ABCA6: variants seen among roughly 807,000 people sequenced by gnomAD.
The protein encoded by ABCA6 is ATP-binding cassette sub-family A member 6.
ABCA6 carries 164 observed loss-of-function variants against 191.2 expected under a neutral mutation model. The ratio of observed to expected loss-of-function variants is 0.86; its 90% CI spans 0.76 to 0.98. The LOEUF (loss-of-function observed/expected upper bound fraction) is 0.98. Ranked by LOEUF, ABCA6 falls within the 50% of genes least tolerant of loss-of-function variation. The pLI, the probability that ABCA6 is intolerant of heterozygous loss-of-function variation, is 0.00. For missense variants in ABCA6, 1,958 were observed against 1,894.1 expected (o/e 1.03, Z -0.63); for synonymous variants, 636 against 647.7 (o/e 0.98, Z 0.27).
chr17:69,113,647 A>C lies in ABCA6; in HGVS notation c.1873T>G (p.Phe625Val), dbSNP rs765333326. The C allele has an allele frequency of 1.9e-6, 3 of 1,613,072 alleles. No homozygotes were observed. In the Admixed American group the frequency reaches 5.0e-5, roughly 27 times the overall value. The change falls in exon 14 of 39, where the codon TTT becomes GTT. Residue 625 changes from phenylalanine to valine, a missense_variant. Phe to Val is a conservative substitution (Grantham distance 50). Transcript: ENST00000284425. ...GGATCTCCTAAAATGGTAATCCCAA[A>C]AGTCAGCTTTCTTTTCTGTCCTTCA... ...LSEGQKRKLT[F>V]GITILGDPQI...
intron 16 of ABCA6, chr17:69,111,422 T>A (rs143682883): frequency 0.04 from 6,156 of 152,906 alleles, 167 homozygotes; most frequent in Non-Finnish European, 0.057. Context: ...TGAATTGTAG[T>A]TCCCATAATT....
At chr17:69,105,248 T>C (rs1431002710) in intron 20 of ABCA6, 1 of 533,912 alleles carries the variant, frequency 1.9e-6, no homozygotes, top group Admixed American at 3.8e-5. Flanking sequence ...TTCCAGGTTA[T>C]ACAGTGACCC....
rs374714147 is a variant in ABCA6 at position 69,110,965 on chromosome 17, T to C, written c.2133-25A>G. 94 of 1,566,870 alleles carry C rather than the reference T, an allele frequency of 6.0e-5. 1 individual carries two copies. The highest frequency in any genetic ancestry group is 7.8e-5 in the Non-Finnish European group (90 of 1,159,546). On this transcript the variant is annotated intron_variant, in intron 16 of 38. Transcript: ENST00000284425. ...ACTAATATTTAAAAGAAAAGATAAGTCATTTGCATTTTCTCCACCACTATC... is the reference window on the plus strand; with the variant it reads ...ACTAATATTTAAAAGAAAAGATAAGCCATTTGCATTTTCTCCACCACTATC...
At chr17:69,118,587 T>C (rs1454571859) in intron 10 of ABCA6, among the ~76,000 whole-genome samples, 1 of 152,084 alleles carries the variant, frequency 6.6e-6, no homozygotes, top group Non-Finnish European at 1.5e-5. Context: ...GACCTCCTAA[T>C]TATAAAATAC....
intron 9 of ABCA6, among the ~76,000 whole-genome samples, chr17:69,124,102 A>G (rs769038520): frequency 9.9e-5 from 15 of 152,042 alleles, no homozygotes; most frequent in Non-Finnish European, 2.1e-4. Context: ...AGGCATGAAT[A>G]CATGGAGAAA....
At position 69,085,023 on chromosome 17, in the gene ABCA6, T is replaced by G; in HGVS notation, c.4184+5A>C. 1.2e-6 allele frequency: 2 copies of G among 1,607,460 alleles called. No homozygotes were observed. Among genetic ancestry groups the G allele is most frequent in the Non-Finnish European group, 1.7e-6 (2 of 1,178,310 alleles). ...ACACAAAGGAATCGCAGGTCCCGTC[T>G]GTACCTTGCGATGGCGAGCCTCGCG... is the stretch of plus-strand genomic sequence containing the variant. On this transcript the variant is annotated splice_donor_5th_base_variant and intron_variant, in intron 32 of 38. Transcript: ENST00000284425.
At chr17:69,084,946 C>A in intron 32 of ABCA6, 82 bp downstream of exon 32, 3 of 1,474,278 alleles carry the variant, frequency 2.0e-6, no homozygotes, top group Non-Finnish European at 1.8e-6. Flanking sequence ...TATTGACTCT[C>A]GGTTCTTTAT....
chr17:69,113,015 C>T lies in ABCA6; in HGVS notation c.2041+207G>A, dbSNP rs1047914339. 5 of 408,328 alleles carry T rather than the reference C, an allele frequency of 1.2e-5. No homozygotes were observed. The South Asian group carries it at 4.8e-4, about 39-fold the overall frequency. 25.3% of individuals were successfully genotyped at this position (408,328 alleles called of 1,614,324 possible). A position where few individuals can be genotyped will look rare whatever the true frequency, so the allele number is the denominator to read the frequency against. ...AGCTGATCTAAAAAAAAAAGGTAAT[C>T]AGAATTTTTCATTAGTTGTCACTAC... On this transcript the variant is annotated intron_variant, in intron 15 of 38. Transcript: ENST00000284425.
intron 32 of ABCA6, among the ~76,000 whole-genome samples, chr17:69,084,732 G>C (rs1020089318): frequency 6.6e-6 from 1 of 151,158 alleles, no homozygotes; most frequent in Non-Finnish European, 1.5e-5. Flanking sequence ...ATGAGAAACT[G>C]ACAATGGATG....
chr17:69,115,470 T>C lies in ABCA6; in HGVS notation c.1512A>G (p.Ile504Met), dbSNP rs144729037. The change falls in exon 12 of 39, where the codon ATA becomes ATG. Residue 504 changes from isoleucine to methionine, a missense_variant. Coordinates refer to ENST00000284425, the MANE Select transcript of ABCA6 (RefSeq NM_080284.3). ...VEALKGLLFD[I>M]YEGQITAILG... ...GGATTGCCGTGATTTGACCTTCATA[T>C]ATGTCAAAGAGCAAGCCTATTTTTA... is the stretch of plus-strand genomic sequence containing the variant. 9 of 1,610,106 alleles carry C rather than the reference T, an allele frequency of 5.6e-6. No individual in the cohort carries two copies. Among genetic ancestry groups the C allele is most frequent in the Non-Finnish European group, 6.8e-6 (8 of 1,178,006 alleles).
At chr17:69,125,092 T>C (rs1286431266) in intron 8 of ABCA6, 57 bp from the exon 9 acceptor site, 1 of 983,998 alleles carries the variant, frequency 1.0e-6, no homozygotes, top group East Asian at 3.3e-5. Flanking sequence ...TAGCTTGGCA[T>C]AGCAGGAAAA....
chr17:69,141,060 T>C (rs1336113786), intron 1 of ABCA6, among the ~76,000 whole-genome samples: 1 of 152,050 alleles, frequency 6.6e-6, no homozygotes, highest in Non-Finnish European at 1.5e-5. Context: ...ATAGAGTGAT[T>C]AAATTAATTT....
chr17:69,105,981 CT>C (rs1364271224), intron 19 of ABCA6, 46 bp downstream of exon 19: 1 of 1,525,260 alleles, frequency 6.6e-7, no homozygotes, highest in Non-Finnish European at 8.8e-7. Flanking sequence ...GTTTGAACCT[CT>C]TTTGAAATTC....
intron 1 of ABCA6, among the ~76,000 whole-genome samples, chr17:69,141,123 G>T (rs2074019696): frequency 6.6e-6 from 1 of 151,974 alleles, no homozygotes; most frequent in Admixed American, 6.6e-5. Flanking sequence ...AAATCTCAGA[G>T]CTAATCAAAT....
At chr17:69,129,222 GAC>G (rs1466955303) in intron 7 of ABCA6, among the ~76,000 whole-genome samples, 2 of 152,194 alleles carry the variant, frequency 1.3e-5, no homozygotes, top group African/African-American at 2.4e-5. Flanking sequence ...GTAAGTATGA[GAC>G]AGAATATTAG....
At chr17:69,108,556 A>G (rs2073353331) in intron 17 of ABCA6, 1 of 152,192 alleles carries the variant, frequency 6.6e-6, no homozygotes, top group Non-Finnish European at 1.5e-5. Context: ...TTAATGTGGT[A>G]TTTCTAGTTC....
At position 69,079,062 on chromosome 17, in the gene ABCA6, GCT is replaced by G. The variant is rs750011128; in HGVS notation, c.4763_4764del (p.Glu1588AlafsTer3). The G allele has an allele frequency of 3.7e-6, 6 of 1,606,432 alleles. No homozygotes were observed. The South Asian group carries it at 6.6e-5, about 18-fold the overall frequency. Reference protein sequence around the residue: ...SQCTLEKVFLELSKEQEVGNF... With the variant: ...SQCTLEKVFLXLSKEQEVGNF... ...TTTCCTACTTCCTGTTCTTTAGAAAGCTCTAAGAATACCTAATTAGGAGACAA... is the reference window on the plus strand; with the variant it reads ...TTTCCTACTTCCTGTTCTTTAGAAAGCTAAGAATACCTAATTAGGAGACAA... On this transcript the variant is annotated frameshift_variant, in exon 39 of 39. Coordinates refer to ENST00000284425, the MANE Select transcript of ABCA6 (RefSeq NM_080284.3). LOFTEE classifies it low-confidence loss of function (END_TRUNC).
rs371070364 is a variant in ABCA6 at position 69,088,265 on chromosome 17, G to A, written c.3607-7C>T. ...GCAAAGTCTGAAAGTAGGGCTATGAGCAAAGAAATACAGTTATATTTAGGC... is the reference window on the plus strand; with the variant it reads ...GCAAAGTCTGAAAGTAGGGCTATGAACAAAGAAATACAGTTATATTTAGGC... On this transcript the variant is annotated splice_region_variant and splice_polypyrimidine_tract_variant and intron_variant, in intron 27 of 38. Transcript: ENST00000284425. The A allele has an allele frequency of 2.5e-6, 4 of 1,590,414 alleles. No individual in the cohort carries two copies. In the African/African-American group the frequency reaches 5.4e-5, roughly 21 times the overall value.
chr17:69,090,984 G>A (rs544970027), intron 26 of ABCA6, among the ~76,000 whole-genome samples, 159 bp downstream of exon 26: 4 of 152,198 alleles, frequency 2.6e-5, no homozygotes, highest in Admixed American at 1.3e-4. Context: ...GCATCACCAC[G>A]ATTCCCCTTT....
Sources: allele counts gnomAD v4.1 joint callset (sites outside exome capture counted in the v4.1 genomes callset), GRCh38; gene constraint gnomAD v4.1.1; transcripts MANE v1.5; gene names NCBI Gene and HGNC (gene_info 2026-07-23, HGNC 2026-07-21).